Variants in HS6ST2 observed in about 807,000 individuals in gnomAD.
HS6ST2 encodes heparan-sulfate 6-O-sulfotransferase 2.
In HS6ST2, 17 loss-of-function variants were observed where a neutral mutation model predicts 33.0. The ratio of observed to expected loss-of-function variants is 0.52; its 90% CI spans 0.35 to 0.77. HS6ST2 has a LOEUF of 0.77. Among genes scored for constraint, HS6ST2 ranks in the 30% least tolerant of loss-of-function variants. HS6ST2 has a pLI of 0.01. For synonymous variants in HS6ST2, 248 were observed against 237.1 expected (o/e 1.05, Z -0.42); for missense variants, 519 against 551.7 (o/e 0.94, Z 0.59).
At chrX:132,680,175 T>C (rs993758533) in intron 3 of HS6ST2, among the ~76,000 whole-genome samples, 38 of 109,777 alleles carry the variant, frequency 3.5e-4, no homozygotes, top group Middle Eastern at 4.6e-3. Flanking sequence ...TGTTTAGAGA[T>C]TGCAGTAAAG....
chrX:132,847,360 A>C (rs1441776667), intron 2 of HS6ST2, among the ~76,000 whole-genome samples: 1 of 111,287 alleles, frequency 9.0e-6, no homozygotes, highest in Non-Finnish European at 1.9e-5. Context: ...TGCCAGTAGT[A>C]TACCATCCCC....
At chrX:132,933,153 C>A (rs1391648930) in intron 2 of HS6ST2, among the ~76,000 whole-genome samples, 2 of 108,797 alleles carry the variant, frequency 1.8e-5, no homozygotes, top group Non-Finnish European at 3.8e-5. Context: ...CATGGTGAAA[C>A]CCCCTCTCTA....
At chrX:132,734,199 A>G (rs1457381143) in intron 2 of HS6ST2, among the ~76,000 whole-genome samples, 10 of 107,190 alleles carry the variant, frequency 9.3e-5, no homozygotes, top group Non-Finnish European at 1.9e-4. Context: ...GGAATAGCTC[A>G]AGATGACAGT....
At chrX:132,796,210 C>G (rs940819661) in intron 2 of HS6ST2, among the ~76,000 whole-genome samples, 4 of 112,107 alleles carry the variant, frequency 3.6e-5, no homozygotes, top group South Asian at 3.7e-4. Context: ...CCAAGTTTCC[C>G]CTCTGCTCAG....
At chrX:132,652,424 G>A (rs754152693) in intron 4 of HS6ST2, among the ~76,000 whole-genome samples, 1 of 111,751 alleles carries the variant, frequency 8.9e-6, no homozygotes, top group Admixed American at 9.5e-5. Context: ...AATAGAGAGA[G>A]TGCCTATTCA....
At chrX:132,857,902 C>T (rs923354475) in intron 2 of HS6ST2, among the ~76,000 whole-genome samples, 10 of 111,932 alleles carry the variant, frequency 8.9e-5, no homozygotes, top group African/African-American at 3.3e-4. Flanking sequence ...ACACAATGTC[C>T]TTGTGAGGAA....
chrX:132,846,523 C>A lies in HS6ST2; in HGVS notation c.947+110285G>T, dbSNP rs1474786012. 2.7e-5 allele frequency among the ~76,000 whole-genome samples: 3 copies of A among 111,824 alleles called. No individual in the cohort carries two copies. In the South Asian group the frequency reaches 1.1e-3, roughly 42 times the overall value. On this transcript the variant is annotated intron_variant, in intron 2 of 4. Transcript: ENST00000370833. ...CCTGATACAGAAATCAGAATAGATG[C>A]AAGAACTTTTTCCTTAAAACAGATC...
intron 3 of HS6ST2, among the ~76,000 whole-genome samples, chrX:132,687,379 T>G (rs1050500984): frequency 1.8e-5 from 2 of 110,958 alleles, no homozygotes; most frequent in Non-Finnish European, 3.8e-5. Context: ...TCTGCTATGT[T>G]AAAGCAGAAG....
chrX:132,836,122 T>A (rs1037990883), intron 2 of HS6ST2, among the ~76,000 whole-genome samples: 5 of 111,136 alleles, frequency 4.5e-5, no homozygotes, highest in African/African-American at 1.6e-4. Context: ...GAGTCCCCTA[T>A]GTGGAGTTAG....
At chrX:132,920,184 T>C (rs1484556374) in intron 2 of HS6ST2, among the ~76,000 whole-genome samples, 2 of 110,688 alleles carry the variant, frequency 1.8e-5, no homozygotes, top group Non-Finnish European at 3.8e-5. Flanking sequence ...ACCAAAAGGA[T>C]AGGATGCCTT....
chrX:132,703,384 A>G (rs2064160925), intron 3 of HS6ST2, among the ~76,000 whole-genome samples: 1 of 113,126 alleles, frequency 8.8e-6, no homozygotes, highest in South Asian at 3.6e-4. Flanking sequence ...GAAGTCAAGG[A>G]ACTCACAAGT....
chrX:132,877,375 C>A (rs139141931), intron 2 of HS6ST2, among the ~76,000 whole-genome samples: 1 of 112,233 alleles, frequency 8.9e-6, no homozygotes, highest in Non-Finnish European at 1.9e-5. Context: ...AAGGTTTGCA[C>A]GTATATTCGT....
intron 2 of HS6ST2, among the ~76,000 whole-genome samples, chrX:132,769,344 T>C (rs1037156960): frequency 1.8e-5 from 2 of 112,320 alleles, no homozygotes; most frequent in African/African-American, 6.5e-5. Context: ...GCATTAGTAC[T>C]TTAGAAGAAC....
chrX:132,855,391 TA>T (rs1238518620), intron 2 of HS6ST2, among the ~76,000 whole-genome samples: 2 of 112,532 alleles, frequency 1.8e-5, no homozygotes, highest in African/African-American at 3.2e-5. Context: ...ATAGCTTGCT[TA>T]AAAAGACCAG....
chrX:132,958,045 C>G, intron 1 of HS6ST2, 130 bp downstream of exon 1: 1 of 666,946 alleles, frequency 1.5e-6, no homozygotes. Context: ...TCCGGAGACC[C>G]TAGCCGGGCC....
At position 132,686,186 on chromosome X, in the gene HS6ST2, T is replaced by C. The variant is rs1435107467; in HGVS notation, c.981-16987A>G. On this transcript the variant is annotated intron_variant, in intron 3 of 4. Coordinates refer to ENST00000370833, the MANE Select transcript of HS6ST2 (RefSeq NM_001394073.1). ...GTGAGAAAATGGATTCATATGTCAG[T>C]GCTTTCAAAGGTCCATTAAATATAA... is the stretch of plus-strand genomic sequence containing the variant. 2.7e-5 allele frequency among the ~76,000 whole-genome samples: 3 copies of C among 112,451 alleles called. No homozygotes were observed. The East Asian group carries it at 8.3e-4, about 31-fold the overall frequency.
chrX:132,909,407 G>T (rs766283677), intron 2 of HS6ST2, among the ~76,000 whole-genome samples: 3 of 111,909 alleles, frequency 2.7e-5, no homozygotes, highest in Non-Finnish European at 5.6e-5. Context: ...CTACACACTG[G>T]TATATTTGCC....
chrX:132,658,911 G>A (rs1817620719), intron 4 of HS6ST2, among the ~76,000 whole-genome samples: 1 of 111,393 alleles, frequency 9.0e-6, no homozygotes, highest in African/African-American at 3.3e-5. Flanking sequence ...CATGGGCCTA[G>A]CCAGTTGATC....
chrX:132,684,006 A>C (rs2063994989), intron 3 of HS6ST2, among the ~76,000 whole-genome samples: 1 of 110,239 alleles, frequency 9.1e-6, no homozygotes, highest in Non-Finnish European at 1.9e-5. Context: ...GAGCAAGATT[A>C]CTGAAATTGA....
Sources: gnomAD v4.1 joint callset for allele counts (sites outside exome capture counted in the v4.1 genomes callset) on GRCh38, gnomAD v4.1.1 for gene constraint, MANE v1.5 for transcripts, NCBI Gene and HGNC (gene_info 2026-07-23, HGNC 2026-07-21) for gene names.